FER: variants seen among roughly 807,000 people sequenced by gnomAD.
FER encodes FER tyrosine kinase, also known as tyrosine-protein kinase Fer.
FER carries 63 observed loss-of-function variants against 111.0 expected under a neutral mutation model. That is an observed-to-expected ratio of 0.57 (90% CI 0.46 to 0.70). The LOEUF is 0.70. Ranked by LOEUF, FER falls within the 30% of genes least tolerant of loss-of-function variation. The probability of loss-of-function intolerance (pLI) is 0.00; values close to 1 mark genes in which losing one functional copy is unlikely to be tolerated. For missense variants in FER, 914 were observed against 954.0 expected, an observed-to-expected ratio of 0.96 and a Z score of 0.55; for synonymous variants, 327 against 313.9, an observed-to-expected ratio of 1.04 and a Z score of -0.44.
At chr5:109,138,721 G>T (rs1268574989) in intron 17 of FER, among the ~76,000 whole-genome samples, 1 of 152,088 alleles carries the variant, frequency 6.6e-6, no homozygotes. Flanking sequence ...CAGATTGAGG[G>T]CTGTGAAGTC....
At chr5:109,162,636 C>A (rs962171502) in intron 17 of FER, among the ~76,000 whole-genome samples, 9 of 152,066 alleles carry the variant, frequency 5.9e-5, no homozygotes, top group African/African-American at 2.2e-4. Flanking sequence ...CATTTATTTT[C>A]TGGAGTTTAA....
rs147003360 is a variant in FER at position 109,001,635 on chromosome 5, G to A, written c.1657-35787G>A. ...CATAGTGTTGGAAGTTTTGGCCAGG[G>A]CAATTATGCAGGAGAAGGAAATAAA... On this transcript the variant is annotated intron_variant, in intron 13 of 19. Coordinates refer to ENST00000281092, the MANE Select transcript of FER (RefSeq NM_005246.4). 5.0e-3 allele frequency among the ~76,000 whole-genome samples: 761 copies of A among 152,306 alleles called. 3 individuals carry two copies. Among genetic ancestry groups the A allele is most frequent in the African/African-American group, 0.017 (719 of 41,556 alleles).
At chr5:109,138,334 G>C (rs1753137683) in intron 17 of FER, among the ~76,000 whole-genome samples, 1 of 152,104 alleles carries the variant, frequency 6.6e-6, no homozygotes, top group Admixed American at 6.6e-5. Context: ...AGGGGAAATG[G>C]GAATATGTTA....
intron 10 of FER, among the ~76,000 whole-genome samples, chr5:108,934,778 T>C (rs1213739377): frequency 6.6e-6 from 1 of 152,156 alleles, no homozygotes; most frequent in Non-Finnish European, 1.5e-5. Flanking sequence ...ATCAGGGCTT[T>C]AGGCTCTTGC....
At chr5:108,890,991 G>GT (rs1417430870) in intron 9 of FER, among the ~76,000 whole-genome samples, 1 of 152,082 alleles carries the variant, frequency 6.6e-6, no homozygotes, top group Non-Finnish European at 1.5e-5. Context: ...TCAGCAATGT[G>GT]TGAGTGATCC....
intron 13 of FER, among the ~76,000 whole-genome samples, chr5:108,999,577 A>T (rs973366403): frequency 1.3e-5 from 2 of 152,158 alleles, no homozygotes; most frequent in East Asian, 3.9e-4. Context: ...AGTACCAAGA[A>T]GAAAGGGTCT....
rs182787458 is a variant in FER at position 109,091,594 on chromosome 5, A to G, written c.1925-8802A>G. Among the ~76,000 whole-genome samples, 38 of 152,270 alleles carry G rather than the reference A, an allele frequency of 2.5e-4. No individual in the cohort carries two copies. The East Asian group carries it at 7.3e-3, about 29-fold the overall frequency. On this transcript the variant is annotated intron_variant, in intron 16 of 19. Transcript: ENST00000281092. ...CCTAAAACCCCAGACCTGTAGAGCC[A>G]CCAACATGGAAAGCCAGCTTGAGAG...
At chr5:109,119,206 G>A (rs915306400) in intron 17 of FER, among the ~76,000 whole-genome samples, 1 of 152,068 alleles carries the variant, frequency 6.6e-6, no homozygotes, top group African/African-American at 2.4e-5. Context: ...CTGGTATGTT[G>A]TGTGTTTGTT....
intron 16 of FER, among the ~76,000 whole-genome samples, chr5:109,086,987 A>T (rs1243868713): frequency 6.8e-6 from 1 of 147,864 alleles, no homozygotes; most frequent in African/African-American, 2.5e-5. Flanking sequence ...TAAGGATACC[A>T]GTCATACTAG....
intron 3 of FER, among the ~76,000 whole-genome samples, chr5:108,806,763 C>T (rs981890234): frequency 6.6e-6 from 1 of 152,210 alleles, no homozygotes; most frequent in Admixed American, 6.5e-5. Flanking sequence ...AATACCTGTA[C>T]TCCCATTGTA....
chr5:108,898,458 T>G (rs1002535159), intron 10 of FER, among the ~76,000 whole-genome samples: 1 of 151,160 alleles, frequency 6.6e-6, no homozygotes, highest in Admixed American at 6.6e-5. Context: ...TGCTCCCCTC[T>G]CTCCTCTTCC....
intron 3 of FER, among the ~76,000 whole-genome samples, chr5:108,803,993 A>G (rs960776584): frequency 1.3e-5 from 2 of 152,124 alleles, no homozygotes; most frequent in African/African-American, 4.8e-5. Context: ...TGTTTGTGTC[A>G]TCTGTGATTT....
intron 3 of FER, among the ~76,000 whole-genome samples, chr5:108,805,641 G>C (rs1262184262): frequency 6.6e-6 from 1 of 152,184 alleles, no homozygotes; most frequent in Non-Finnish European, 1.5e-5. Flanking sequence ...TGAGGAACTT[G>C]TTGTGAACCG....
intron 13 of FER, among the ~76,000 whole-genome samples, chr5:108,984,335 A>AT (rs1247217080): frequency 6.6e-6 from 1 of 152,138 alleles, no homozygotes; most frequent in Admixed American, 6.6e-5. Context: ...AGTCAAGTTA[A>AT]TAATAGCTCA....
intron 16 of FER, among the ~76,000 whole-genome samples, chr5:109,064,790 C>T (rs1024820730): frequency 6.6e-6 from 1 of 152,112 alleles, no homozygotes; most frequent in Admixed American, 6.6e-5. Context: ...AGTTCCTTCA[C>T]AATTGAAAGT....
At chr5:108,924,137 A>G (rs905755830) in intron 10 of FER, among the ~76,000 whole-genome samples, 2 of 151,998 alleles carry the variant, frequency 1.3e-5, no homozygotes, top group African/African-American at 4.8e-5. Flanking sequence ...CGGGCGGATC[A>G]CCTGAGGTCA....
chr5:109,017,748 T>C (rs1767367376), intron 13 of FER, among the ~76,000 whole-genome samples: 1 of 151,938 alleles, frequency 6.6e-6, no homozygotes, highest in African/African-American at 2.4e-5. Context: ...ATATAAGTCT[T>C]ATCAGAGACC....
intron 3 of FER, chr5:108,819,794 G>T: frequency 1.0e-6 from 1 of 985,054 alleles, no homozygotes; most frequent in Non-Finnish European, 1.2e-6. Flanking sequence ...AGTGTCTTGA[G>T]TATATAGATT....
intron 17 of FER, among the ~76,000 whole-genome samples, chr5:109,122,446 A>C (rs147267135): frequency 2.0e-5 from 3 of 151,980 alleles, no homozygotes; most frequent in Admixed American, 6.6e-5. Flanking sequence ...ACTTTATTTC[A>C]ATTTTTAATC....
Sources: gnomAD v4.1 joint callset for allele counts (sites outside exome capture counted in the v4.1 genomes callset) on GRCh38, gnomAD v4.1.1 for gene constraint, MANE v1.5 for transcripts, NCBI Gene and HGNC (gene_info 2026-07-23, HGNC 2026-07-21) for gene names.